ULK2: variants seen among roughly 807,000 people sequenced by gnomAD.
ULK2 encodes the protein unc-51 like autophagy activating kinase 2.
A neutral mutation model predicts 127.5 loss-of-function variants in ULK2; 76 were observed. That is an observed-to-expected ratio of 0.60 (90% CI 0.50 to 0.72). ULK2 has a LOEUF of 0.72. ULK2 is among the 30% of genes least tolerant of loss of function. The pLI, the probability that ULK2 is intolerant of heterozygous loss-of-function variation, is 0.00. For missense variants in ULK2, 1,144 were observed against 1,295.9 expected, an observed-to-expected ratio of 0.88 and a Z score of 1.80; for synonymous variants, 452 against 461.9, an observed-to-expected ratio of 0.98 and a Z score of 0.28.
At chr17:19,814,020 C>T (rs2040905087) in intron 13 of ULK2, among the ~76,000 whole-genome samples, 1 of 152,018 alleles carries the variant, frequency 6.6e-6, no homozygotes, top group Non-Finnish European at 1.5e-5. Context: ...TGCTCTCTGC[C>T]TCTCCTTCCC....
intron 20 of ULK2, among the ~76,000 whole-genome samples, chr17:19,792,544 G>A (rs183070756): frequency 1.5e-3 from 226 of 152,304 alleles, no homozygotes; most frequent in African/African-American, 4.7e-3. Flanking sequence ...CATAAATTAC[G>A]CAGTCTCAGA....
At position 19,787,934 on chromosome 17, in the gene ULK2, T is replaced by C. The variant is rs145027850; in HGVS notation, c.2102-1848A>G. ...GAGGGAGAGTGCAGCAATTTGGGGA[T>C]TGCACATTGAACTCAGTGCTGTCCT... On this transcript the variant is annotated intron_variant, in intron 20 of 26. Coordinates refer to ENST00000395544, the MANE Select transcript of ULK2 (RefSeq NM_014683.4). Among the ~76,000 whole-genome samples the C allele has an allele frequency of 6.2e-3, 946 of 152,266 alleles. 27 individuals are homozygous for C. Among genetic ancestry groups the C allele is most frequent in the Admixed American group, 0.043 (651 of 15,288 alleles).
intron 20 of ULK2, among the ~76,000 whole-genome samples, 180 bp downstream of exon 20, chr17:19,795,442 A>T (rs1347023478): frequency 6.6e-6 from 1 of 150,834 alleles, no homozygotes. Context: ...ATAAGGTCCT[A>T]TTCTGAATGG....
Position 19,781,977 on chromosome 17 carries a change from G to T in ULK2, c.2551C>A (p.Pro851Thr). Residue 851 changes from proline (P) to threonine (T), a missense_variant, in exon 23 of 27, where the codon CCT becomes ACT. By Grantham distance (38) the Pro-to-Thr change is conservative. Around this residue, in one of 2 missense-constraint regions of ULK2, gnomAD observed 913 missense variants for 970.5 expected, o/e 0.94. Transcript: ENST00000395544. ...GACACAGCAGATGTGCACAGCTCAG[G>T]GTTTCCTCCCCTCATGGCTGTCAGG... is the stretch of plus-strand genomic sequence containing the variant. ...LDLTAMRGGN[P>T]ELCTSAVSLY... The T allele has an allele frequency of 6.2e-7, 1 of 1,614,192 alleles. No individual in the cohort carries two copies. Among genetic ancestry groups the T allele is most frequent in the Non-Finnish European group, 8.5e-7 (1 of 1,180,042 alleles).
intron 8 of ULK2, among the ~76,000 whole-genome samples, chr17:19,842,301 G>A (rs999157279): frequency 4.0e-5 from 6 of 148,530 alleles, no homozygotes; most frequent in African/African-American, 7.5e-5. Context: ...AGGTTCAAGC[G>A]ATTCTCCTGC....
chr17:19,847,556 AT>A (rs200781020), intron 5 of ULK2, among the ~76,000 whole-genome samples: 2 of 150,090 alleles, frequency 1.3e-5, no homozygotes, highest in African/African-American at 4.9e-5. Flanking sequence ...TTCCGTAAAT[AT>A]TTTTTTTTTG....
At chr17:19,778,690 A>G (rs1244693810) in intron 25 of ULK2, among the ~76,000 whole-genome samples, 2 of 152,214 alleles carry the variant, frequency 1.3e-5, no homozygotes, top group Admixed American at 1.3e-4. Context: ...CCTGAGCTCA[A>G]GCAATCCTCT....
intron 13 of ULK2, among the ~76,000 whole-genome samples, chr17:19,812,605 G>C (rs1190673751): frequency 6.6e-6 from 1 of 152,166 alleles, no homozygotes; most frequent in Non-Finnish European, 1.5e-5. Flanking sequence ...GGCTGACTAG[G>C]AGCTGCAGCT....
intron 13 of ULK2, chr17:19,816,506 G>A: frequency 3.5e-6 from 1 of 285,478 alleles, no homozygotes. Context: ...GATACAAACA[G>A]AATTTGAGAT....
intron 12 of ULK2, among the ~76,000 whole-genome samples, chr17:19,817,250 C>T (rs780643050): frequency 6.6e-6 from 1 of 152,134 alleles, no homozygotes; most frequent in Admixed American, 6.6e-5. Context: ...TAGCTCATGG[C>T]CTAACAAAGC....
intron 14 of ULK2, among the ~76,000 whole-genome samples, chr17:19,809,838 G>C (rs2087594703): frequency 6.6e-6 from 1 of 151,770 alleles, no homozygotes; most frequent in South Asian, 2.1e-4. Context: ...CCAGGAGGCG[G>C]TGGTTGCAGT....
intron 25 of ULK2, among the ~76,000 whole-genome samples, chr17:19,780,073 C>T (rs2086886902): frequency 6.6e-6 from 1 of 151,608 alleles, no homozygotes; most frequent in Non-Finnish European, 1.5e-5. Context: ...ACTCAGGAAG[C>T]TGAGGCAGGA....
In ULK2 at chr17:19,782,007, G is replaced by A. The variant is rs79291746; in HGVS notation, c.2521C>T (p.Leu841=). The change falls in exon 23 of 27, where the codon CTG becomes TTG. Residue 841 remains leucine, a synonymous_variant. Transcript: ENST00000395544. ...NVMLMFTECV[L]DLTAMRGGNP... is the part of the protein sequence containing the mutation. ...CCTCCCCTCATGGCTGTCAGGTCCA[G>A]CACACACTCAGTGAACATCAGCATC... 6.2e-7 allele frequency: 1 copy of A among 1,614,202 alleles called. No individual in the cohort carries two copies. The highest frequency in any genetic ancestry group is 1.3e-5 in the African/African-American group (1 of 75,044).
rs1220691243 is a variant in ULK2 at position 19,781,081 on chromosome 17, TACA to T, written c.2660_2662del (p.Leu887del). ...CGCAAGCAGCTGTGCTGCTTTCATGTACAACACCAGCTGCTCCACCCGCCTGCA... is the reference window on the plus strand; with the variant it reads ...CGCAAGCAGCTGTGCTGCTTTCATGTACACCAGCTGCTCCACCCGCCTGCA... On this transcript the variant is annotated inframe_deletion, in exon 24 of 27. Transcript: ENST00000395544. The T allele has an allele frequency of 6.2e-7, 1 of 1,613,536 alleles. No individual in the cohort carries two copies. The highest frequency in any genetic ancestry group is 1.7e-5 in the Admixed American group (1 of 59,962).
At chr17:19,796,314 A>T in intron 18 of ULK2, 32 bp from the exon 19 acceptor site, 1 of 1,540,716 alleles carries the variant, frequency 6.5e-7, no homozygotes, top group Non-Finnish European at 8.7e-7. Context: ...TATATATGTA[A>T]ACTAGTTAAT....
At chr17:19,824,480 A>C (rs1270451613) in intron 12 of ULK2, among the ~76,000 whole-genome samples, 3 of 149,560 alleles carry the variant, frequency 2.0e-5, no homozygotes, top group Non-Finnish European at 4.5e-5. Flanking sequence ...AAAAAGCCTA[A>C]GAGAAGAGTG....
chr17:19,853,129 ATTT>A (rs1407752986), intron 3 of ULK2, among the ~76,000 whole-genome samples: 1 of 143,016 alleles, frequency 7.0e-6, no homozygotes, highest in Non-Finnish European at 1.5e-5. Context: ...ATTTTTTTAA[ATTT>A]TTTTAATTTT....
intron 3 of ULK2, among the ~76,000 whole-genome samples, chr17:19,859,095 G>C (rs1446050596): frequency 6.6e-6 from 1 of 152,236 alleles, no homozygotes; most frequent in Non-Finnish European, 1.5e-5. Context: ...TTCGAGACCA[G>C]CCTGGGCAAC....
chr17:19,801,332 G>A (rs1296016292), intron 16 of ULK2, among the ~76,000 whole-genome samples: 1 of 152,166 alleles, frequency 6.6e-6, no homozygotes. Flanking sequence ...CCAGCACTTT[G>A]GAAGGCCAAG....
Sources: gnomAD v4.1 joint callset for allele counts (sites outside exome capture counted in the v4.1 genomes callset) on GRCh38, gnomAD v4.1.1 for gene constraint, gnomAD v4.1.1 regional missense constraint, MANE v1.5 for transcripts, NCBI Gene and HGNC (gene_info 2026-07-23, HGNC 2026-07-21) for gene names.